BCKDHB: variants seen among roughly 807,000 people sequenced by gnomAD.
The protein encoded by BCKDHB is branched chain keto acid dehydrogenase E1 subunit beta.
In BCKDHB, 41 loss-of-function variants were observed where a neutral mutation model predicts 48.5. The ratio of observed to expected loss-of-function variants is 0.85; its 90% confidence interval spans 0.66 to 1.10. The LOEUF is 1.10. Ranked by LOEUF, BCKDHB falls within the 50% of genes least tolerant of loss-of-function variation. BCKDHB has a pLI of 0.00. For missense variants in BCKDHB, 496 were observed against 494.2 expected (o/e 1.00, Z -0.03); for synonymous variants, 201 against 174.8 (o/e 1.15, Z -1.18).
intron 4 of BCKDHB, among the ~76,000 whole-genome samples, chr6:80,168,022 G>T (rs1401688984): frequency 6.6e-6 from 1 of 152,114 alleles, no homozygotes; most frequent in Non-Finnish European, 1.5e-5. Context: ...GCTCACATCT[G>T]CAATCCCAGC....
chr6:80,339,844 A>AT (rs1941484017), intron 9 of BCKDHB, among the ~76,000 whole-genome samples: 1 of 152,094 alleles, frequency 6.6e-6, no homozygotes, highest in South Asian at 2.1e-4. Flanking sequence ...TCCTAATTCA[A>AT]TTTTTTCCCT....
At position 80,205,230 on chromosome 6, in the gene BCKDHB, AG is replaced by A. The variant is rs371967733; in HGVS notation, c.951+2021del. Among the ~76,000 whole-genome samples, 232 of 152,100 alleles carry A rather than the reference AG, an allele frequency of 1.5e-3. 1 individual carries two copies. The highest frequency in any genetic ancestry group is 5.4e-3 in the African/African-American group (223 of 41,538). ...TAACCAAATATTTATATGGAAAATG[AG>A]GGTTTTTTTTCCCCCAGAGTGAAGC... On this transcript the variant is annotated intron_variant, in intron 8 of 9. Coordinates refer to ENST00000320393, the MANE Select transcript of BCKDHB (RefSeq NM_183050.4).
chr6:80,159,542 C>T (rs910563593), intron 3 of BCKDHB, among the ~76,000 whole-genome samples: 1 of 152,088 alleles, frequency 6.6e-6, no homozygotes, highest in Non-Finnish European at 1.5e-5. Context: ...GTTCTGTTTT[C>T]CATTTTTTAA....
intron 8 of BCKDHB, among the ~76,000 whole-genome samples, chr6:80,270,771 G>T (rs1437941375): frequency 1.3e-5 from 2 of 152,134 alleles, no homozygotes; most frequent in African/African-American, 2.4e-5. Context: ...CACAGAGTGG[G>T]ATGGGAAGAC....
chr6:80,381,581 A>C, the BCKDHB span, among the ~76,000 whole-genome samples: 1 of 152,078 alleles, frequency 6.6e-6, no homozygotes, highest in Non-Finnish European at 1.5e-5. Context: ...CTTTATCTGC[A>C]TTGAGATGTC....
the BCKDHB span, chr6:80,357,006 C>T: frequency 1.6e-5 from 2 of 127,740 alleles, no homozygotes; most frequent in Admixed American, 2.0e-4. Context: ...ACAAATAATT[C>T]ACCTACAATA....
intron 8 of BCKDHB, among the ~76,000 whole-genome samples, chr6:80,233,015 G>A (rs910765601): frequency 3.3e-5 from 5 of 152,018 alleles, no homozygotes; most frequent in Admixed American, 2.6e-4. Context: ...CTTTTCTGCT[G>A]TCTTTTGTTT....
At chr6:80,377,065 G>A in the BCKDHB span, among the ~76,000 whole-genome samples, 3 of 134,370 alleles carry the variant, frequency 2.2e-5, no homozygotes, top group Non-Finnish European at 4.6e-5. Flanking sequence ...TTTTGATGAA[G>A]TCTCACTCTG....
At chr6:80,453,790 T>C in the BCKDHB span, among the ~76,000 whole-genome samples, 2 of 152,082 alleles carry the variant, frequency 1.3e-5, no homozygotes, top group African/African-American at 4.8e-5. Context: ...TATAGTGCAT[T>C]ATTTTCCTGA....
chr6:80,311,084 A>C (rs965050450), intron 9 of BCKDHB, among the ~76,000 whole-genome samples: 1 of 152,190 alleles, frequency 6.6e-6, no homozygotes, highest in Non-Finnish European at 1.5e-5. Flanking sequence ...TAATTGAATC[A>C]TGGGGGCAGA....
intron 8 of BCKDHB, among the ~76,000 whole-genome samples, chr6:80,267,485 A>G (rs1777562956): frequency 6.6e-6 from 1 of 152,048 alleles, no homozygotes; most frequent in Non-Finnish European, 1.5e-5. Context: ...GAGTTGTATG[A>G]GATGGGTCTT....
chr6:80,146,380 A>G (rs2874829), intron 3 of BCKDHB, among the ~76,000 whole-genome samples: 55,863 of 152,100 alleles, frequency 0.37, 12,274 homozygotes, highest in East Asian at 0.56. Context: ...AATTTAAATG[A>G]CAGAATTAAA....
chr6:80,274,614 G>A (rs1777893436), intron 9 of BCKDHB, among the ~76,000 whole-genome samples: 1 of 151,898 alleles, frequency 6.6e-6, no homozygotes, highest in Non-Finnish European at 1.5e-5. Flanking sequence ...GTTGTGTTTT[G>A]TTCACTGCTT....
intron 8 of BCKDHB, among the ~76,000 whole-genome samples, chr6:80,261,807 C>T (rs1467647030): frequency 6.6e-6 from 1 of 152,098 alleles, no homozygotes; most frequent in South Asian, 2.1e-4. Context: ...TTCTTAGAGA[C>T]CTGCTTTTCT....
chr6:80,325,126 GA>G (rs1304377051), intron 9 of BCKDHB, among the ~76,000 whole-genome samples: 6 of 151,972 alleles, frequency 3.9e-5, no homozygotes, highest in South Asian at 2.1e-4. Flanking sequence ...AATATTTAGA[GA>G]AAAAAATCTG....
At chr6:80,142,646 A>G (rs1771280341) in intron 3 of BCKDHB, among the ~76,000 whole-genome samples, 1 of 152,136 alleles carries the variant, frequency 6.6e-6, no homozygotes, top group Admixed American at 6.6e-5. Flanking sequence ...TTTGATTACC[A>G]TGCTGCAATA....
intron 8 of BCKDHB, among the ~76,000 whole-genome samples, chr6:80,226,750 C>T (rs990001349): frequency 6.6e-6 from 1 of 152,110 alleles, no homozygotes; most frequent in Non-Finnish European, 1.5e-5. Flanking sequence ...CAGGCGCCTG[C>T]CTTCAGCGTT....
intron 9 of BCKDHB, among the ~76,000 whole-genome samples, chr6:80,313,162 GTA>G (rs1325326165): frequency 2.6e-5 from 4 of 152,106 alleles, no homozygotes; most frequent in Non-Finnish European, 5.9e-5. Context: ...TTGGGAGGGT[GTA>G]TGTGTCCAGA....
the BCKDHB span, among the ~76,000 whole-genome samples, chr6:80,436,936 C>G: frequency 3.3e-5 from 5 of 152,120 alleles, no homozygotes; most frequent in Non-Finnish European, 7.4e-5. Flanking sequence ...TCATGCCAAG[C>G]ACTGATATTT....
Sources: allele counts gnomAD v4.1 joint callset (sites outside exome capture counted in the v4.1 genomes callset), GRCh38; gene constraint gnomAD v4.1.1; transcripts MANE v1.5; gene names NCBI Gene and HGNC (gene_info 2026-07-23, HGNC 2026-07-21).